The following CHN2 variants were observed in gnomAD, a reference collection of about 807,000 sequenced individuals.
The protein encoded by CHN2 is beta-chimaerin.
Under a neutral mutation model 56.3 loss-of-function variants are expected in CHN2, and 35 were observed. The observed-to-expected ratio is 0.62, with a 90% CI of 0.47 to 0.82. The LOEUF is 0.82. Ranked by LOEUF, CHN2 falls within the 40% of genes least tolerant of loss-of-function variation. The pLI is 0.00. For missense variants in CHN2, 491 were observed against 580.5 expected (o/e 0.85, Z 1.58); for synonymous variants, 210 against 212.8 (o/e 0.99, Z 0.12).
chr7:29,507,629 A>G (rs1248611256), intron 11 of CHN2, among the ~76,000 whole-genome samples: 1 of 152,112 alleles, frequency 6.6e-6, no homozygotes, highest in Non-Finnish European at 1.5e-5. Context: ...AGTCAGGCCT[A>G]TTATATGTTG....
chr7:29,481,990 C>A (rs1384992574), intron 7 of CHN2, among the ~76,000 whole-genome samples: 1 of 152,140 alleles, frequency 6.6e-6, no homozygotes, highest in Non-Finnish European at 1.5e-5. Flanking sequence ...TAATTTCAGT[C>A]CTTTTAATGT....
intron 1 of CHN2, among the ~76,000 whole-genome samples, chr7:29,350,124 G>C (rs1417958631): frequency 1.3e-5 from 2 of 152,030 alleles, no homozygotes; most frequent in Non-Finnish European, 2.9e-5. Flanking sequence ...TAAATTTGGG[G>C]GGACTGCCTG....
At chr7:29,437,723 G>GA (rs55702454) in intron 6 of CHN2, among the ~76,000 whole-genome samples, 22,491 of 148,150 alleles carry the variant, frequency 0.15, 1,774 homozygotes, top group Middle Eastern at 0.21. Context: ...TTTGCTTAGG[G>GA]AAAAAAAAAA....
At chr7:29,496,105 C>G in intron 8 of CHN2, 69 bp downstream of exon 8, 1 of 1,331,180 alleles carries the variant, frequency 7.5e-7, no homozygotes, top group Non-Finnish European at 1.0e-6. Flanking sequence ...GGATGTCTCT[C>G]CAGAGCTGGG....
chr7:29,346,174 G>T (rs745704374), intron 1 of CHN2, among the ~76,000 whole-genome samples: 7 of 152,278 alleles, frequency 4.6e-5, no homozygotes, highest in Middle Eastern at 6.8e-3. Flanking sequence ...CTCAGGCCTG[G>T]CACCATTTGG....
intron 1 of CHN2, among the ~76,000 whole-genome samples, chr7:29,291,100 T>C (rs914607900): frequency 1.3e-5 from 2 of 152,200 alleles, no homozygotes; most frequent in Non-Finnish European, 2.9e-5. Flanking sequence ...ACTGGAGTTG[T>C]ACCCATGCTC....
At chr7:29,338,188 T>A (rs2128910573) in intron 1 of CHN2, among the ~76,000 whole-genome samples, 2 of 152,330 alleles carry the variant, frequency 1.3e-5, no homozygotes, top group South Asian at 4.1e-4. Flanking sequence ...CCAAGATGAC[T>A]ATTGGGTGTA....
At chr7:29,236,001 G>A (rs1338787098) in intron 1 of CHN2, among the ~76,000 whole-genome samples, 2 of 152,146 alleles carry the variant, frequency 1.3e-5, no homozygotes, top group African/African-American at 4.8e-5. Context: ...GTTTGTCCGC[G>A]GAACAAACCT....
At position 29,220,101 on chromosome 7, in the gene CHN2, A is replaced by G. The variant is rs150285126; in HGVS notation, c.49+25111A>G. Among the ~76,000 whole-genome samples the G allele has an allele frequency of 5.8e-3, 887 of 152,070 alleles. 11 individuals carry two copies. Among genetic ancestry groups the G allele is most frequent in the African/African-American group, 0.02 (822 of 41,472 alleles). ...AAAAAATAAAAAAATTTAAAAAAAA[A>G]GGAAAAGTTGAAAATAAATGATTCA... On this transcript the variant is annotated intron_variant, in intron 1 of 12. Transcript: ENST00000222792.
rs115371144 is a variant in CHN2, at chr7:29,243,046, T to G, written c.49+48056T>G. On this transcript the variant is annotated intron_variant, in intron 1 of 12. Coordinates refer to ENST00000222792, the MANE Select transcript of CHN2 (RefSeq NM_004067.4). ...CTGAGGGAGATATTTGTGAAAATTT[T>G]TAATGGACATATTTTGTGTTTTCTG... Among the ~76,000 whole-genome samples, 775 of 152,256 alleles carry G rather than the reference T, an allele frequency of 5.1e-3. 5 individuals carry two copies. The highest frequency in any genetic ancestry group is 0.017 in the African/African-American group (723 of 41,556).
At chr7:29,149,455 A>G (rs1793285110) in intron 2 of CHN2, among the ~76,000 whole-genome samples, 1 of 152,012 alleles carries the variant, frequency 6.6e-6, no homozygotes, top group African/African-American at 2.4e-5. Flanking sequence ...TGGCCTCCCA[A>G]AGTGCTGGGA....
chr7:29,273,352 T>C (rs1188562339), intron 1 of CHN2, among the ~76,000 whole-genome samples: 13 of 51,010 alleles, frequency 2.5e-4, no homozygotes, highest in African/African-American at 9.7e-4. Context: ...TGTATATATA[T>C]ATATATATAT....
At chr7:29,319,913 G>A (rs188718834) in intron 1 of CHN2, among the ~76,000 whole-genome samples, 64 of 152,080 alleles carry the variant, frequency 4.2e-4, no homozygotes, top group African/African-American at 1.5e-3. Context: ...TCCCCTCCCC[G>A]ACCTCACTGG....
At chr7:29,444,165 G>C (rs983483602) in intron 6 of CHN2, among the ~76,000 whole-genome samples, 4 of 152,156 alleles carry the variant, frequency 2.6e-5, no homozygotes, top group African/African-American at 9.7e-5. Flanking sequence ...TGGATTAACA[G>C]TGTAAATATT....
At chr7:29,252,187 A>AT (rs3046893) in intron 1 of CHN2, among the ~76,000 whole-genome samples, 70,820 of 113,858 alleles carry the variant, frequency 0.62, 22,940 homozygotes, top group East Asian at 0.89. Context: ...ATTATACAGG[A>AT]TTTTTTTTTT....
At chr7:29,468,164 A>G (rs1364719656) in intron 6 of CHN2, among the ~76,000 whole-genome samples, 1 of 35,990 alleles carries the variant, frequency 2.8e-5, no homozygotes, top group Non-Finnish European at 5.6e-5. Context: ...CCGCCCGACT[A>G]CCCAAAATTT....
chr7:29,152,712 T>A (rs572987935), intron 2 of CHN2, among the ~76,000 whole-genome samples: 1 of 152,362 alleles, frequency 6.6e-6, no homozygotes, highest in Non-Finnish European at 1.5e-5. Flanking sequence ...CTGGGCTCTT[T>A]TGCTCTGAGA....
intron 2 of CHN2, among the ~76,000 whole-genome samples, chr7:29,187,347 G>GTGTGTC (rs751959572): frequency 6.8e-6 from 1 of 148,066 alleles, no homozygotes; most frequent in Non-Finnish European, 1.5e-5. Flanking sequence ...TTGTGTGTCT[G>GTGTGTC]TGTGTGTGTG....
intron 1 of CHN2, among the ~76,000 whole-genome samples, chr7:29,248,745 G>T (rs1261672106): frequency 6.6e-6 from 1 of 152,138 alleles, no homozygotes; most frequent in Non-Finnish European, 1.5e-5. Flanking sequence ...CTGGGGAAAC[G>T]AAACATACGA....
Sources: allele counts gnomAD v4.1 joint callset (sites outside exome capture counted in the v4.1 genomes callset), GRCh38; gene constraint gnomAD v4.1.1; transcripts MANE v1.5; gene names NCBI Gene and HGNC (gene_info 2026-07-23, HGNC 2026-07-21).